Variants in KDM5A observed in about 807,000 individuals in gnomAD.
KDM5A encodes lysine demethylase 5A, also known as lysine-specific demethylase 5A.
KDM5A carries 42 observed loss-of-function variants against 193.5 expected under a neutral mutation model. That is an observed-to-expected ratio of 0.22 (90% CI 0.17 to 0.28). The LOEUF is 0.28. KDM5A is among the 10% of genes least tolerant of loss of function. KDM5A has a pLI of 1.00. For synonymous variants in KDM5A, 796 were observed against 718.1 expected (o/e 1.11, Z -1.73); for missense variants, 1,692 against 2,055.1 (o/e 0.82, Z 3.42).
chr12:323,907 T>C (rs1943752460), intron 14 of KDM5A, 126 bp from the exon 15 acceptor site: 1 of 759,018 alleles, frequency 1.3e-6, no homozygotes. Context: ...AAAGGTACAA[T>C]GGCACAACAT....
chr12:318,302 C>G lies in KDM5A; in HGVS notation c.2701G>C (p.Ala901Pro). 1 of 1,614,164 alleles carries G rather than the reference C, an allele frequency of 6.2e-7. No homozygotes were observed. Residue 901 changes from alanine to proline, a missense_variant, in exon 19 of 28, where the codon GCT becomes CCT. Ala to Pro is a conservative substitution (Grantham distance 27). Transcript: ENST00000399788. ...AGTCTTACTTCGTCCAACCACCGAG[C>G]CTGTTGTAGCTCTTGCTTCAGTCGT... is the stretch of plus-strand genomic sequence containing the variant. ...LPRLKQELQQ[A>P]RWLDEVRLTL... is the part of the protein sequence containing the mutation.
intron 19 of KDM5A, 91 bp from the exon 20 acceptor site, chr12:313,285 T>C: frequency 7.1e-7 from 1 of 1,414,486 alleles, no homozygotes; most frequent in Non-Finnish European, 9.9e-7. Flanking sequence ...ATTTACATGA[T>C]TTCACTGAAT....
chr12:377,255 C>T (rs147208038), intron 3 of KDM5A, among the ~76,000 whole-genome samples: 88 of 152,078 alleles, frequency 5.8e-4, no homozygotes, highest in Admixed American at 1.6e-3. Flanking sequence ...ACTAAAGGAC[C>T]AGCCTAACAT....
Position 282,310 on chromosome 12 carries a change from AT to A in KDM5A, c.*3145del, listed in dbSNP as rs1239513697. The A allele has an allele frequency of 8.6e-5, 20 of 233,422 alleles. No homozygotes were observed. Among genetic ancestry groups the A allele is most frequent in the Non-Finnish European group, 1.5e-4 (18 of 118,234 alleles). The allele number at this position is 233,422 out of a possible 1,614,324, so 14.5% of individuals were successfully genotyped here. On this transcript the variant is annotated 3_prime_UTR_variant, in exon 28 of 28. Coordinates refer to ENST00000399788, the MANE Select transcript of KDM5A (RefSeq NM_001042603.3). ...GCACCTGGCTGCCATGTTTTTTATT[AT>A]TAAAGTACATTATGGGTAATCACAG...
At position 307,785 on chromosome 12, in the gene KDM5A, C is replaced by A; in HGVS notation, c.3599G>T (p.Gly1200Val). ...PLPKSSSQKK[G>V]SSWQAKEVKF... ...TACTTCTTTAGCTTGCCAGCTGGAT[C>A]CTTTTTTTTGGGAACTTGATTTAGG... Residue 1200 changes from glycine to valine, a missense_variant, in exon 23 of 28, where the codon GGA becomes GTA. Physicochemically the swap from Gly to Val is moderately radical, Grantham distance 109. Around this residue, in one of 11 missense-constraint regions of KDM5A, gnomAD observed 965 missense variants for 1,061.0 expected, o/e 0.91. Coordinates refer to ENST00000399788, the MANE Select transcript of KDM5A (RefSeq NM_001042603.3). The surrounding 1 kb of genome is among the most constrained non-coding windows in gnomAD (Gnocchi z 4.3). The A allele has an allele frequency of 1.2e-6, 2 of 1,614,182 alleles. No individual in the cohort carries two copies. The highest frequency in any genetic ancestry group is 1.7e-6 in the Non-Finnish European group (2 of 1,180,028).
intron 3 of KDM5A, among the ~76,000 whole-genome samples, chr12:378,549 G>A (rs1440023384): frequency 1.3e-5 from 2 of 152,056 alleles, no homozygotes; most frequent in Admixed American, 6.6e-5. Flanking sequence ...ACAAGTATGA[G>A]CCCACTATAC....
intron 5 of KDM5A, among the ~76,000 whole-genome samples, chr12:359,784 A>G (rs1231611581): frequency 1.8e-5 from 2 of 110,902 alleles, no homozygotes; most frequent in Non-Finnish European, 3.5e-5. Context: ...GGAAGGAGGA[A>G]GGGATGAAGG....
chr12:309,261 T>C (rs1943551731), intron 22 of KDM5A, among the ~76,000 whole-genome samples: 2 of 152,216 alleles, frequency 1.3e-5, no homozygotes, highest in Admixed American at 6.5e-5. Flanking sequence ...ACTCACTAAT[T>C]TACCAAAAAC....
intron 27 of KDM5A, among the ~76,000 whole-genome samples, chr12:290,803 AG>A (rs1943282766): frequency 6.6e-6 from 1 of 152,244 alleles, no homozygotes; most frequent in Non-Finnish European, 1.5e-5. Context: ...AATGCTGAGC[AG>A]AAGGGAGGGG....
chr12:359,739 C>T (rs1944271236), intron 5 of KDM5A, among the ~76,000 whole-genome samples: 1 of 108,158 alleles, frequency 9.2e-6, no homozygotes, highest in African/African-American at 3.6e-5. Flanking sequence ...CACACACTGC[C>T]TCAAAAAAAA....
chr12:329,573 C>A (rs1324134667), intron 13 of KDM5A, among the ~76,000 whole-genome samples: 1 of 150,466 alleles, frequency 6.6e-6, no homozygotes, highest in Non-Finnish European at 1.5e-5. Flanking sequence ...TTTGCAAAAA[C>A]CAAAACAAAG....
At chr12:374,203 T>C (rs994494965) in intron 3 of KDM5A, among the ~76,000 whole-genome samples, 1 of 152,302 alleles carries the variant, frequency 6.6e-6, no homozygotes, top group Non-Finnish European at 1.5e-5. Flanking sequence ...CCATTATCAT[T>C]GTGTGGGAGT....
intron 13 of KDM5A, among the ~76,000 whole-genome samples, chr12:329,600 G>C (rs542027560): frequency 2.2e-4 from 34 of 152,028 alleles, no homozygotes; most frequent in Non-Finnish European, 3.7e-4. Context: ...TTAGATTTTA[G>C]CATCTAGAAA....
chr12:372,322 G>T (rs1480255618), intron 3 of KDM5A, among the ~76,000 whole-genome samples: 2 of 152,170 alleles, frequency 1.3e-5, no homozygotes, highest in Non-Finnish European at 2.9e-5. Flanking sequence ...CACATCCCTT[G>T]TAAGTTGGAT....
At chr12:371,169 A>T (rs148866721) in intron 3 of KDM5A, among the ~76,000 whole-genome samples, 6,025 of 152,224 alleles carry the variant, frequency 0.04, 372 homozygotes, top group African/African-American at 0.13. Flanking sequence ...TTTCTAGTTC[A>T]AGATCCTTGA....
chr12:336,822 G>A (rs12579326), intron 10 of KDM5A, among the ~76,000 whole-genome samples: 29 of 143,854 alleles, frequency 2.0e-4, no homozygotes, highest in African/African-American at 7.1e-4. Flanking sequence ...GCAACAGAGC[G>A]AGACTCCATC....
rs192267587 is a variant in KDM5A, at chr12:328,993, G to A, written c.1810C>T (p.Arg604Cys). ...GAAAAGACACAGTGGCGCCTTAGGCGTCGGTAATGATTTACACATTGACGT... is the reference window on the plus strand; with the variant it reads ...GAAAAGACACAGTGGCGCCTTAGGCATCGGTAATGATTTACACATTGACGT... ...IGRQCVNHYR[R>C]LRRHCVFSHE... The change falls in exon 14 of 28, where the codon CGC becomes TGC. Residue 604 changes from arginine to cysteine, a missense_variant. Physicochemically the swap from Arg to Cys is radical, Grantham distance 180. Transcript: ENST00000399788. The A allele has an allele frequency of 1.1e-3, 1,715 of 1,614,176 alleles. 8 individuals are homozygous for A. The highest frequency in any genetic ancestry group is 8.6e-4 in the Non-Finnish European group (1,017 of 1,180,024).
At chr12:305,137 G>C (rs924881603) in intron 24 of KDM5A, among the ~76,000 whole-genome samples, 2 of 152,128 alleles carry the variant, frequency 1.3e-5, no homozygotes, top group African/African-American at 2.4e-5. Context: ...TGATATTCAA[G>C]AACTGTACGC....
At chr12:343,089 A>C (rs1944027414) in intron 10 of KDM5A, among the ~76,000 whole-genome samples, 1 of 152,200 alleles carries the variant, frequency 6.6e-6, no homozygotes, top group Non-Finnish European at 1.5e-5. Flanking sequence ...AATTTTCCCA[A>C]GGTCTTAGCA....
Sources: gnomAD v4.1 joint callset for allele counts (sites outside exome capture counted in the v4.1 genomes callset) on GRCh38, gnomAD v4.1.1 for gene constraint, gnomAD v4.1.1 regional missense constraint, Gnocchi (gnomAD v3.1) non-coding constraint, MANE v1.5 for transcripts, NCBI Gene and HGNC (gene_info 2026-07-23, HGNC 2026-07-21) for gene names.